The following HERC3 variants were observed in gnomAD, a reference collection of about 807,000 sequenced individuals.
HERC3 encodes the protein probable E3 ubiquitin-protein ligase HERC3.
HERC3 carries 58 observed loss-of-function variants against 129.9 expected under a neutral mutation model. The observed-to-expected ratio is 0.45, with a 90% CI of 0.36 to 0.56. HERC3 has a LOEUF of 0.56. HERC3 is among the 20% of genes least tolerant of loss of function. The probability of loss-of-function intolerance (pLI) is 0.00; values close to 1 mark genes in which losing one functional copy is unlikely to be tolerated. For missense variants in HERC3, 835 were observed against 1,244.2 expected, an observed-to-expected ratio of 0.67 and a Z score of 4.95; for synonymous variants, 430 against 451.0, an observed-to-expected ratio of 0.95 and a Z score of 0.59.
chr4:88,559,580 G>A, the HERC3 span, among the ~76,000 whole-genome samples: 60,613 of 152,086 alleles, frequency 0.4, 14,555 homozygotes, highest in African/African-American at 0.68. Context: ...CTTAGCATAA[G>A]TCCAGTCTCA....
In HERC3 at chr4:88,649,888, G is replaced by C. The variant is rs774301873; in HGVS notation, c.275G>C (p.Gly92Ala). The change falls in exon 4 of 26, where the codon GGC becomes GCC. Residue 92 changes from glycine (G) to alanine (A), a missense_variant. Gly to Ala is a moderately conservative substitution (Grantham distance 60). Transcript: ENST00000402738. ...ADQHIIHVAC[G>A]ESHSLALSDR... is the part of the protein sequence containing the mutation. ...CAGCATATCATTCATGTGGCATGTG[G>C]CGAGTCCCACAGTCTGGCCCTCAGT... 1 of 1,614,008 alleles carries C rather than the reference G, an allele frequency of 6.2e-7. No homozygotes were observed. The highest frequency in any genetic ancestry group is 1.1e-5 in the South Asian group (1 of 91,074).
intron 3 of HERC3, among the ~76,000 whole-genome samples, chr4:88,627,107 T>C (rs1370702890): frequency 6.6e-6 from 1 of 152,172 alleles, no homozygotes; most frequent in Non-Finnish European, 1.5e-5. Flanking sequence ...TTTATTTAGT[T>C]TAAAATACTT....
chr4:88,574,148 A>G, the HERC3 span, among the ~76,000 whole-genome samples: 2 of 152,296 alleles, frequency 1.3e-5, no homozygotes, highest in Non-Finnish European at 2.9e-5. Flanking sequence ...AGGAAGAATT[A>G]AACTGGCCCA....
In HERC3 at chr4:88,605,946, T is replaced by A; in HGVS notation, c.123T>A (p.Cys41Ter). The A allele has an allele frequency of 1.2e-6, 2 of 1,614,092 alleles. No homozygotes were observed. Among genetic ancestry groups the A allele is most frequent in the Non-Finnish European group, 1.7e-6 (2 of 1,180,028 alleles). ...ISDRSVKEVA[C>*]GGNHSVFLLE... ...ACAGAAGTGTCAAGGAAGTGGCCTGTGGGGGAAACCACTCTGTGTTCCTGC... is the reference window on the plus strand; with the variant it reads ...ACAGAAGTGTCAAGGAAGTGGCCTGAGGGGGAAACCACTCTGTGTTCCTGC... Residue 41 changes from cysteine (C) to a stop codon, truncating the protein, a stop_gained, in exon 3 of 26, where the codon TGT (cysteine) becomes TGA (stop). Coordinates refer to ENST00000402738, the MANE Select transcript of HERC3 (RefSeq NM_014606.3). LOFTEE classifies it high-confidence loss of function.
intron 2 of HERC3, among the ~76,000 whole-genome samples, chr4:88,604,146 G>T (rs538238411): frequency 6.6e-6 from 1 of 152,010 alleles, no homozygotes; most frequent in African/African-American, 2.4e-5. Flanking sequence ...TCAGCCTCCC[G>T]AGTAGCTGGA....
chr4:88,594,841 C>T lies in HERC3; in HGVS notation c.-87-716C>T, dbSNP rs185177528. Among the ~76,000 whole-genome samples, 246 of 152,182 alleles carry T rather than the reference C, an allele frequency of 1.6e-3. 1 individual carries two copies. The highest frequency in any genetic ancestry group is 5.7e-3 in the African/African-American group (237 of 41,518). On this transcript the variant is annotated intron_variant, in intron 1 of 25. Transcript: ENST00000402738. ...ACTGGCTGGGCGCAGTGGCTCACAC[C>T]TGTAATCCCAGCACTTTGGGCGGCT... is the stretch of plus-strand genomic sequence containing the variant.
chr4:88,542,581 A>G, the HERC3 span, among the ~76,000 whole-genome samples: 2 of 152,234 alleles, frequency 1.3e-5, no homozygotes, highest in African/African-American at 4.8e-5. Flanking sequence ...TCTGTAACTC[A>G]TTTTATGAGG....
chr4:88,693,171 GTTCT>G (rs1313439463), intron 23 of HERC3: 89 of 984,602 alleles, frequency 9.0e-5, no homozygotes, highest in Non-Finnish European at 1.1e-4. Flanking sequence ...TTGTTTGTAT[GTTCT>G]TTTTTATTCC....
chr4:88,581,653 T>C, the HERC3 span, among the ~76,000 whole-genome samples: 91 of 152,216 alleles, frequency 6.0e-4, no homozygotes, highest in African/African-American at 2.1e-3. Context: ...GGTCTCAGCA[T>C]GTTGCCCACA....
intron 2 of HERC3, 138 bp from the exon 3 acceptor site, chr4:88,605,652 TTAATA>T: frequency 1.8e-6 from 1 of 544,326 alleles, no homozygotes; most frequent in Non-Finnish European, 3.3e-6. Flanking sequence ...TTCAACAGTA[TTAATA>T]TGTTTTATTT....
At chr4:88,695,817 C>T (rs545916643) in intron 23 of HERC3, 20 of 152,620 alleles carry the variant, frequency 1.3e-4, no homozygotes, top group Admixed American at 1.1e-3. Flanking sequence ...AGAAACTGGC[C>T]ACTGAGAGTA....
chr4:88,680,327 G>A (rs1732631753), intron 20 of HERC3, 91 bp downstream of exon 20: 1 of 894,390 alleles, frequency 1.1e-6, no homozygotes, highest in Admixed American at 2.8e-5. Context: ...ACTTTGCAAA[G>A]GGGAACATAA....
At chr4:88,628,908 C>G (rs1013205012) in intron 3 of HERC3, among the ~76,000 whole-genome samples, 2 of 152,158 alleles carry the variant, frequency 1.3e-5, no homozygotes, top group African/African-American at 4.8e-5. Context: ...GGCGCGGTGG[C>G]TCATGGCTGT....
the HERC3 span, among the ~76,000 whole-genome samples, chr4:88,551,774 C>G: frequency 2.6e-5 from 4 of 152,044 alleles, no homozygotes; most frequent in Non-Finnish European, 4.4e-5. Context: ...CCCAGCCATC[C>G]CATTACTGGG....
chr4:88,699,845 A>G (rs1735166021), intron 23 of HERC3, among the ~76,000 whole-genome samples: 1 of 152,222 alleles, frequency 6.6e-6, no homozygotes, highest in African/African-American at 2.4e-5. Flanking sequence ...AGTCTGGCTT[A>G]TTGAGGTATC....
chr4:88,564,022 C>T, the HERC3 span, among the ~76,000 whole-genome samples: 1 of 152,104 alleles, frequency 6.6e-6, no homozygotes, highest in East Asian at 1.9e-4. Flanking sequence ...TTATCAAATG[C>T]TTTTTCTACA....
intron 21 of HERC3, among the ~76,000 whole-genome samples, chr4:88,682,216 G>A (rs564026880): frequency 1.3e-5 from 2 of 152,222 alleles, no homozygotes; most frequent in Admixed American, 1.3e-4. Flanking sequence ...TATATGCCTA[G>A]GAGTAGAATT....
intron 2 of HERC3, among the ~76,000 whole-genome samples, chr4:88,605,290 T>G (rs1458672061): frequency 6.6e-6 from 1 of 152,156 alleles, no homozygotes; most frequent in African/African-American, 2.4e-5. Context: ...TTTTTTCTAT[T>G]TCTCATCTTC....
the HERC3 span, among the ~76,000 whole-genome samples, chr4:88,532,012 T>G: frequency 6.6e-6 from 1 of 152,220 alleles, no homozygotes; most frequent in Non-Finnish European, 1.5e-5. Context: ...CACATAGTTC[T>G]GTATATTAAA....
Sources: gnomAD v4.1 joint callset for allele counts (sites outside exome capture counted in the v4.1 genomes callset) on GRCh38, gnomAD v4.1.1 for gene constraint, MANE v1.5 for transcripts, NCBI Gene and HGNC (gene_info 2026-07-23, HGNC 2026-07-21) for gene names.